The following CHST15 variants were observed in gnomAD, a reference collection of about 807,000 sequenced individuals.
CHST15 encodes the protein carbohydrate sulfotransferase 15.
In CHST15, 30 loss-of-function variants were observed where a neutral mutation model predicts 53.6. The observed-to-expected ratio is 0.56, with a 90% CI of 0.42 to 0.76. The LOEUF is 0.76. CHST15 is among the 30% of genes least tolerant of loss of function. CHST15 has a pLI of 0.00. For missense variants in CHST15, 627 were observed against 740.5 expected (o/e 0.85, Z 1.78); for synonymous variants, 296 against 289.8 (o/e 1.02, Z -0.22).
intron 5 of CHST15, among the ~76,000 whole-genome samples, chr10:124,032,069 A>T (rs555948321): frequency 6.6e-6 from 1 of 152,350 alleles, no homozygotes; most frequent in East Asian, 1.9e-4. Flanking sequence ...GTGACTGCCT[A>T]TAACAGAATC....
chr10:124,063,498 C>G (rs1159344316), intron 1 of CHST15, among the ~76,000 whole-genome samples: 3 of 152,162 alleles, frequency 2.0e-5, no homozygotes, highest in Non-Finnish European at 4.4e-5. Context: ...GATTTCCAAC[C>G]TCTGTAAAAT....
At chr10:124,038,244 C>T (rs546442384) in intron 5 of CHST15, among the ~76,000 whole-genome samples, 37 of 152,008 alleles carry the variant, frequency 2.4e-4, no homozygotes, top group East Asian at 1.2e-3. Flanking sequence ...GTAGCTGGGA[C>T]TATAGGAGTG....
At chr10:124,056,684 G>A (rs948935145) in intron 1 of CHST15, among the ~76,000 whole-genome samples, 9 of 152,248 alleles carry the variant, frequency 5.9e-5, no homozygotes, top group African/African-American at 1.9e-4. Flanking sequence ...GCAGGCCCCG[G>A]TGCGCAGCCC....
Position 124,009,022 on chromosome 10 carries a change from G to A in CHST15, c.*1127C>T. On this transcript the variant is annotated 3_prime_UTR_variant, in exon 8 of 8. Coordinates refer to ENST00000435907, the MANE Select transcript of CHST15 (RefSeq NM_001270764.2). The stretch of plus-strand genomic sequence containing the variant: ...AAGTTCAGCTTGTGCATTGTGTTTT[G>A]GAATTGGGACACGAGTATCTATAGT... 7.8e-7 allele frequency: 1 copy of A among 1,289,144 alleles called. No individual in the cohort carries two copies. The highest frequency in any genetic ancestry group is 1.0e-6 in the Non-Finnish European group (1 of 988,692). 79.9% of individuals were successfully genotyped at this position (1,289,144 alleles called of 1,614,324 possible). A position where few individuals can be genotyped will look rare whatever the true frequency, so the allele number is the denominator to read the frequency against.
chr10:124,054,448 C>G (rs964184129), intron 1 of CHST15, among the ~76,000 whole-genome samples: 1 of 152,218 alleles, frequency 6.6e-6, no homozygotes, highest in African/African-American at 2.4e-5. Context: ...TTGTTTTAGT[C>G]CATAAGCCAT....
At chr10:124,084,524 C>T (rs908822326) in intron 1 of CHST15, among the ~76,000 whole-genome samples, 3 of 152,116 alleles carry the variant, frequency 2.0e-5, no homozygotes, top group Non-Finnish European at 4.4e-5. Context: ...CTACCGAGAA[C>T]AGGCCGAGGC....
At chr10:124,081,901 G>A (rs761146956) in intron 1 of CHST15, among the ~76,000 whole-genome samples, 1 of 152,112 alleles carries the variant, frequency 6.6e-6, no homozygotes, top group Non-Finnish European at 1.5e-5. Flanking sequence ...TGCTTATTAC[G>A]GGCTTGGCCA....
intron 1 of CHST15, among the ~76,000 whole-genome samples, chr10:124,052,697 T>G (rs1199758491): frequency 6.6e-6 from 1 of 152,202 alleles, no homozygotes; most frequent in Admixed American, 6.5e-5. Flanking sequence ...ATCATGGCAG[T>G]GCTGTAAGCA....
Position 124,021,578 on chromosome 10 carries a change from A to G in CHST15, c.1191-166T>C, listed in dbSNP as rs1280035005. Among the ~76,000 whole-genome samples the G allele has an allele frequency of 2.0e-5, 3 of 152,016 alleles. No homozygotes were observed. In the East Asian group the frequency reaches 5.8e-4, roughly 29 times the overall value. ...ATGAGCCACCTCCCTCATCCCTCCGAGCTCCCGCCCTTCTCGTGGCCACCT... is the reference window on the plus strand; with the variant it reads ...ATGAGCCACCTCCCTCATCCCTCCGGGCTCCCGCCCTTCTCGTGGCCACCT... On this transcript the variant is annotated intron_variant, in intron 5 of 7. Transcript: ENST00000435907.
intron 1 of CHST15, among the ~76,000 whole-genome samples, chr10:124,060,501 G>A (rs986799528): frequency 6.7e-6 from 1 of 148,582 alleles, no homozygotes; most frequent in African/African-American, 2.5e-5. Context: ...GTGTGTGGAG[G>A]TGTGCCAGGC....
chr10:124,066,935 A>G (rs1326313533), intron 1 of CHST15, among the ~76,000 whole-genome samples: 2 of 152,222 alleles, frequency 1.3e-5, no homozygotes, highest in South Asian at 4.1e-4. Context: ...CTTTTGTCCC[A>G]TTCTTCCTAT....
intron 1 of CHST15, among the ~76,000 whole-genome samples, chr10:124,080,955 G>C (rs1227220331): frequency 6.6e-6 from 1 of 152,204 alleles, no homozygotes; most frequent in East Asian, 1.9e-4. Context: ...CCTTCCAGTG[G>C]CAGAGACACA....
chr10:124,066,455 G>A (rs1441025412), intron 1 of CHST15, among the ~76,000 whole-genome samples: 3 of 134,780 alleles, frequency 2.2e-5, no homozygotes, highest in African/African-American at 8.5e-5. Context: ...ACTGGCTGGG[G>A]GAAAGAAAAA....
chr10:124,025,120 T>C (rs1946945959), intron 5 of CHST15, among the ~76,000 whole-genome samples: 1 of 152,242 alleles, frequency 6.6e-6, no homozygotes, highest in African/African-American at 2.4e-5. Flanking sequence ...ATTTGGCTCA[T>C]AAATAAAACA....
chr10:124,090,224 C>T (rs868418457), intron 1 of CHST15, among the ~76,000 whole-genome samples: 3 of 152,252 alleles, frequency 2.0e-5, no homozygotes, highest in Non-Finnish European at 2.9e-5. Flanking sequence ...TTTGAGCCCA[C>T]ATTTAAATAC....
At position 124,009,361 on chromosome 10, in the gene CHST15, G is replaced by T. The variant is rs139195424; in HGVS notation, c.*788C>A. Reference sequence around the variant, plus strand: ...CCAGGACTGGTTAAATGCAGAAAGTGGTTTTGTTTTAAACGCATTCATTTT... The same window carrying T: ...CCAGGACTGGTTAAATGCAGAAAGTTGTTTTGTTTTAAACGCATTCATTTT... On this transcript the variant is annotated 3_prime_UTR_variant, in exon 8 of 8. Coordinates refer to ENST00000435907, the MANE Select transcript of CHST15 (RefSeq NM_001270764.2). The T allele has an allele frequency of 8.2e-4, 838 of 1,017,424 alleles. 4 individuals carry two copies. The highest frequency in any genetic ancestry group is 9.6e-4 in the Non-Finnish European group (816 of 847,682). 63.0% of individuals were successfully genotyped at this position (1,017,424 alleles called of 1,614,324 possible). A position where few individuals can be genotyped will look rare whatever the true frequency, so the allele number is the denominator to read the frequency against.
chr10:124,059,413 T>C (rs1194215045), intron 1 of CHST15, among the ~76,000 whole-genome samples: 2 of 151,962 alleles, frequency 1.3e-5, no homozygotes, highest in Admixed American at 6.5e-5. Context: ...TTGACACAGA[T>C]AGAGAAATGA....
chr10:124,077,433 C>G (rs776874904), intron 1 of CHST15, among the ~76,000 whole-genome samples: 8 of 152,220 alleles, frequency 5.3e-5, no homozygotes, highest in Non-Finnish European at 1.0e-4. Flanking sequence ...CATTCATCCC[C>G]AGAGTCCAGA....
intron 1 of CHST15, among the ~76,000 whole-genome samples, chr10:124,067,761 C>T (rs1331818286): frequency 3.3e-5 from 5 of 152,116 alleles, no homozygotes; most frequent in Admixed American, 1.3e-4. Context: ...GGATTACAGG[C>T]GACCACCACC....
Sources: gnomAD v4.1 joint callset for allele counts (sites outside exome capture counted in the v4.1 genomes callset) on GRCh38, gnomAD v4.1.1 for gene constraint, MANE v1.5 for transcripts, NCBI Gene and HGNC (gene_info 2026-07-23, HGNC 2026-07-21) for gene names.